ARHGEF11: variants seen among roughly 807,000 people sequenced by gnomAD.
ARHGEF11 encodes the protein Rho guanine nucleotide exchange factor 11.
A neutral mutation model predicts 193.7 loss-of-function variants in ARHGEF11; 55 were observed. That is an observed-to-expected ratio of 0.28 (90% CI 0.23 to 0.36). ARHGEF11 has a LOEUF of 0.36. Among genes scored for constraint, ARHGEF11 ranks in the 10% least tolerant of loss-of-function variants. The pLI is 1.00. For missense variants in ARHGEF11, 1,723 were observed against 2,005.6 expected, an observed-to-expected ratio of 0.86 and a Z score of 2.69; for synonymous variants, 693 against 768.0, an observed-to-expected ratio of 0.90 and a Z score of 1.62.
At chr1:156,963,355 C>G in intron 12 of ARHGEF11, 51 bp from the exon 13 acceptor site, 1 of 1,555,080 alleles carries the variant, frequency 6.4e-7, no homozygotes, top group Non-Finnish European at 8.9e-7. Flanking sequence ...AGCAGCACAG[C>G]GGGTTCCAGC....
chr1:156,942,871 C>A, intron 32 of ARHGEF11, 91 bp from the exon 33 acceptor site: 1 of 1,063,448 alleles, frequency 9.4e-7, no homozygotes, highest in Admixed American at 1.8e-5. Context: ...GGACTCAAAG[C>A]CCTGACCCTC....
chr1:156,948,263 A>T lies in ARHGEF11; in HGVS notation c.2106-35T>A, dbSNP rs1658514607. 6.2e-7 allele frequency: 1 copy of T among 1,603,866 alleles called. No homozygotes were observed. The highest frequency in any genetic ancestry group is 8.5e-7 in the Non-Finnish European group (1 of 1,172,294). On this transcript the variant is annotated intron_variant, in intron 23 of 40. Coordinates refer to ENST00000368194, the MANE Select transcript of ARHGEF11 (RefSeq NM_198236.3). This position sits in a 1 kb window ranked among gnomAD's most constrained non-coding sequence, Gnocchi z 4.2. ...GAATGTCAACTCTCAGCAACCCTCT[A>T]TCCTTGCCGCCACCCCTGAGATGTC...
chr1:156,986,464 G>GATGTGC (rs1664931153), intron 1 of ARHGEF11, among the ~76,000 whole-genome samples: 2 of 152,180 alleles, frequency 1.3e-5, no homozygotes, highest in South Asian at 4.1e-4. Context: ...GCAAGAAGGG[G>GATGTGC]ATGTGCACAC....
chr1:156,949,056 T>C, intron 22 of ARHGEF11: 1 of 985,448 alleles, frequency 1.0e-6, no homozygotes, highest in Non-Finnish European at 1.2e-6. Context: ...GTCAGAAAGT[T>C]CTATCTGCTG....
chr1:156,938,606 G>T, intron 37 of ARHGEF11, 93 bp from the exon 38 acceptor site: 1 of 1,173,892 alleles, frequency 8.5e-7, no homozygotes, highest in Non-Finnish European at 1.2e-6. Flanking sequence ...GGCAGGAGGT[G>T]GGGACAGGGG....
intron 1 of ARHGEF11, among the ~76,000 whole-genome samples, chr1:157,043,489 C>T (rs964724941): frequency 2.6e-5 from 4 of 152,170 alleles, no homozygotes; most frequent in Non-Finnish European, 4.4e-5. Context: ...GCTGGGCAGA[C>T]TCTTGGGGCA....
In ARHGEF11 at chr1:156,980,428, G is replaced by C. The variant is rs951623371; in HGVS notation, c.273+9C>G. The C allele has an allele frequency of 5.6e-6, 9 of 1,603,664 alleles. No individual in the cohort carries two copies. The highest frequency in any genetic ancestry group is 6.0e-6 in the Non-Finnish European group (7 of 1,174,684). ...GCTGGGAGTGGGAGTGTGTGTTGGG[G>C]TCACTCACTTTGATGATCCGGTCGC... On this transcript the variant is annotated intron_variant, in intron 4 of 40. Coordinates refer to ENST00000368194, the MANE Select transcript of ARHGEF11 (RefSeq NM_198236.3).
chr1:156,957,009 C>T (rs184441302), intron 18 of ARHGEF11, among the ~76,000 whole-genome samples: 10 of 152,300 alleles, frequency 6.6e-5, no homozygotes, highest in South Asian at 2.1e-4. Context: ...AAATGCCAAG[C>T]AGCCTCTGCC....
rs184509052 is a variant in ARHGEF11 at position 156,997,406 on chromosome 1, T to C, written c.33-11233A>G. On this transcript the variant is annotated intron_variant, in intron 1 of 40. Transcript: ENST00000368194. ...TACAGATGGGGGAGCTGTTGAAGGC[T>C]TTCTCGAAGAAGTAATAGGATCAGG... Among the ~76,000 whole-genome samples, 5 of 152,326 alleles carry C rather than the reference T, an allele frequency of 3.3e-5. No homozygotes were observed. The East Asian group carries it at 9.6e-4, about 29-fold the overall frequency.
Position 156,971,828 on chromosome 1 carries a change from T to G in ARHGEF11, c.583-12A>C, listed in dbSNP as rs764669207. On this transcript the variant is annotated splice_polypyrimidine_tract_variant and intron_variant, in intron 7 of 40. Coordinates refer to ENST00000368194, the MANE Select transcript of ARHGEF11 (RefSeq NM_198236.3). ...ACCTCACAGATACGCTAGGGATGGG[T>G]GAGGAGGAGAAGGGGGAGGGGAAAA... The G allele has an allele frequency of 6.2e-7, 1 of 1,606,562 alleles. No homozygotes were observed. The highest frequency in any genetic ancestry group is 8.5e-7 in the Non-Finnish European group (1 of 1,175,750).
At chr1:157,017,455 C>T (rs933963660) in intron 1 of ARHGEF11, among the ~76,000 whole-genome samples, 9 of 152,086 alleles carry the variant, frequency 5.9e-5, no homozygotes, top group Non-Finnish European at 8.8e-5. Context: ...TGCCTGCAAA[C>T]CCAGCCCTTT....
chr1:156,990,701 A>G (rs765363763), intron 1 of ARHGEF11, among the ~76,000 whole-genome samples: 22 of 151,764 alleles, frequency 1.4e-4, no homozygotes, highest in Non-Finnish European at 2.4e-4. Context: ...TTACCCTTTA[A>G]AAAAAAAGTT....
rs1654864633 is a variant in ARHGEF11, at chr1:156,935,346, G to A, written c.*654C>T. 6.6e-6 allele frequency: 1 copy of A among 152,186 alleles called. No individual in the cohort carries two copies. The highest frequency in any genetic ancestry group is 1.5e-5 in the Non-Finnish European group (1 of 68,038). The allele number at this position is 152,186 out of a possible 1,614,324, so 9.4% of individuals were successfully genotyped here. ...AGCCAGAAGACCTTCCCACTCACAG[G>A]GACAGGAACACTCAGGCCTGGCTCC... On this transcript the variant is annotated 3_prime_UTR_variant, in exon 41 of 41. Coordinates refer to ENST00000368194, the MANE Select transcript of ARHGEF11 (RefSeq NM_198236.3).
chr1:156,944,436 G>A lies in ARHGEF11; in HGVS notation c.2992-3C>T. 1 of 1,600,394 alleles carries A rather than the reference G, an allele frequency of 6.2e-7. No individual in the cohort carries two copies. Among genetic ancestry groups the A allele is most frequent in the South Asian group, 1.1e-5 (1 of 90,210 alleles). On this transcript the variant is annotated splice_region_variant and splice_polypyrimidine_tract_variant and intron_variant, in intron 30 of 40. Coordinates refer to ENST00000368194, the MANE Select transcript of ARHGEF11 (RefSeq NM_198236.3). ...TTTCTGGTTGTAAGATCCAGGCTCT[G>A]TTAAGGAGACACCATTCATTCATTC...
chr1:156,967,802 A>G (rs1661905716), intron 11 of ARHGEF11, 185 bp downstream of exon 11: 4 of 715,918 alleles, frequency 5.6e-6, no homozygotes, highest in South Asian at 1.8e-5. Flanking sequence ...TTACTTTCAT[A>G]TCTCTATTTA....
chr1:156,995,547 C>T (rs1040794672), intron 1 of ARHGEF11, among the ~76,000 whole-genome samples: 1 of 151,446 alleles, frequency 6.6e-6, no homozygotes, highest in Admixed American at 6.6e-5. Flanking sequence ...TGTTTGGGTG[C>T]CTTTTCTTCT....
Position 156,942,797 on chromosome 1 carries a change from AG to A in ARHGEF11, c.3236-18del, listed in dbSNP as rs1418300778. 1.9e-6 allele frequency: 3 copies of A among 1,611,044 alleles called. No homozygotes were observed. In the Admixed American group the frequency reaches 5.0e-5, roughly 27 times the overall value. ...CCCGTTTATCTGTGTGAGGAAAGGA[AG>A]GTAGAAGGGTCTGTACTAGGGATGG... On this transcript the variant is annotated intron_variant, in intron 32 of 40. Coordinates refer to ENST00000368194, the MANE Select transcript of ARHGEF11 (RefSeq NM_198236.3).
chr1:156,958,507 C>T (rs1359407868), intron 17 of ARHGEF11, among the ~76,000 whole-genome samples: 1 of 152,132 alleles, frequency 6.6e-6, no homozygotes, highest in Non-Finnish European at 1.5e-5. Flanking sequence ...TCCTGGGGCC[C>T]GTGGTCTGTC....
intron 11 of ARHGEF11, among the ~76,000 whole-genome samples, chr1:156,966,643 C>A (rs904138447): frequency 2.6e-5 from 4 of 152,206 alleles, no homozygotes; most frequent in Non-Finnish European, 5.9e-5. Context: ...GCTATCTGGA[C>A]ATGGCATTAA....
Sources: allele counts gnomAD v4.1 joint callset (sites outside exome capture counted in the v4.1 genomes callset), GRCh38; gene constraint gnomAD v4.1.1; non-coding constraint Gnocchi (gnomAD v3.1); transcripts MANE v1.5; gene names NCBI Gene and HGNC (gene_info 2026-07-23, HGNC 2026-07-21).